The following ZNF846 variants were observed in gnomAD, a reference collection of about 807,000 sequenced individuals.
ZNF846 encodes zinc finger protein 420 pseudogene.
ZNF846 carries 15 observed loss-of-function variants against 16.0 expected under a neutral mutation model. The ratio of observed to expected loss-of-function variants is 0.94; its 90% confidence interval spans 0.63 to 1.45. The LOEUF (loss-of-function observed/expected upper bound fraction) is 1.45. ZNF846 is among the 40% of genes most tolerant of loss of function. The probability of loss-of-function intolerance (pLI) is 0.00; values close to 1 mark genes in which losing one functional copy is unlikely to be tolerated. For synonymous variants in ZNF846, 229 were observed against 212.0 expected (o/e 1.08, Z -0.70); for missense variants, 714 against 622.3 (o/e 1.15, Z -1.57).
exon 6 of ZNF846, chr19:9,758,619 T>A: frequency 6.2e-7 from 1 of 1,613,182 alleles, no homozygotes; most frequent in Non-Finnish European, 8.5e-7. Context: ...AGGAAAGTTC[T>A]TTCTTAAGGC....
chr19:9,773,266 A>T (rs1301502419), upstream of ZNF846, among the ~76,000 whole-genome samples: 1 of 152,048 alleles, frequency 6.6e-6, no homozygotes, highest in Non-Finnish European at 1.5e-5. Context: ...GGCTCAAGGG[A>T]TCCTCCTTCC....
exon 6 of ZNF846, chr19:9,752,350 A>T: frequency 8.2e-6 from 2 of 244,558 alleles, no homozygotes; most frequent in Admixed American, 4.1e-5. Flanking sequence ...GCTCACGTCC[A>T]TAATCCCAGC....
upstream of ZNF846, among the ~76,000 whole-genome samples, chr19:9,770,152 G>C (rs2045377261): frequency 6.6e-6 from 1 of 151,776 alleles, no homozygotes; most frequent in African/African-American, 2.4e-5. Flanking sequence ...ATATATTTGT[G>C]CATCGATCAT....
At chr19:9,761,461 C>T (rs1205328931) in intron 4 of ZNF846, among the ~76,000 whole-genome samples, 1 of 151,948 alleles carries the variant, frequency 6.6e-6, no homozygotes, top group African/African-American at 2.4e-5. Flanking sequence ...ACCTGTAATG[C>T]CAGCACTTTG....
At chr19:9,767,370 G>A (rs551088540) in intron 1 of ZNF846, among the ~76,000 whole-genome samples, 1 of 151,822 alleles carries the variant, frequency 6.6e-6, no homozygotes, top group Non-Finnish European at 1.5e-5. Flanking sequence ...CCCAACCTCA[G>A]GTGAACCGCC....
At chr19:9,760,170 G>A (rs1352019770) in intron 4 of ZNF846, among the ~76,000 whole-genome samples, 2 of 151,090 alleles carry the variant, frequency 1.3e-5, no homozygotes, top group African/African-American at 4.9e-5. Context: ...GTGCATGCCT[G>A]TAATCCCAGC....
At chr19:9,753,922 C>T (rs2045108755), downstream of ZNF846, among the ~76,000 whole-genome samples, 1 of 151,582 alleles carries the variant, frequency 6.6e-6, no homozygotes, top group South Asian at 2.1e-4. Flanking sequence ...AGTACTTGTC[C>T]TGTTTCCTTC....
chr19:9,765,451 T>C (rs1464378692), intron 1 of ZNF846, among the ~76,000 whole-genome samples: 1 of 152,024 alleles, frequency 6.6e-6, no homozygotes, highest in African/African-American at 2.4e-5. Context: ...GGCGGGTGGA[T>C]CACGAGGTTA....
At chr19:9,757,677 A>C in exon 6 of ZNF846, 1 of 1,613,324 alleles carries the variant, frequency 6.2e-7, no homozygotes, top group Non-Finnish European at 8.5e-7. Flanking sequence ...TCGCATGTGC[A>C]TATTAAGATT....
intron 1 of ZNF846, chr19:9,774,588 A>G: frequency 2.0e-6 from 3 of 1,513,138 alleles, no homozygotes; most frequent in Middle Eastern, 1.9e-4. Flanking sequence ...GATGAAGCTA[A>G]TTTATTGACT....
chr19:9,754,098 A>AT (rs1475593681), downstream of ZNF846, among the ~76,000 whole-genome samples: 1 of 151,396 alleles, frequency 6.6e-6, no homozygotes, highest in Non-Finnish European at 1.5e-5. Flanking sequence ...TTCTTGATGA[A>AT]TTTTACCTTC....
intron 1 of ZNF846, chr19:9,775,078 T>A: frequency 1.2e-6 from 1 of 854,852 alleles, no homozygotes. Flanking sequence ...CATTCACTTG[T>A]GGCAGTTACT....
downstream of ZNF846, among the ~76,000 whole-genome samples, chr19:9,749,546 C>CTTTTT (rs60331343): frequency 4.0e-5 from 5 of 125,534 alleles, no homozygotes; most frequent in East Asian, 2.3e-4. Flanking sequence ...ATAAGTCTTT[C>CTTTTT]TTTTTTTTTT....
downstream of ZNF846, among the ~76,000 whole-genome samples, chr19:9,750,747 C>CCT (rs1285601763): frequency 6.6e-6 from 1 of 152,174 alleles, no homozygotes; most frequent in African/African-American, 2.4e-5. Flanking sequence ...GCTATCTCAA[C>CCT]CTCTGTCACA....
intron 1 of ZNF846, among the ~76,000 whole-genome samples, chr19:9,767,858 G>A (rs1049290370): frequency 2.6e-5 from 4 of 152,126 alleles, no homozygotes; most frequent in South Asian, 2.1e-4. Context: ...CGCTTGGACC[G>A]GGAGACAGAG....
At chr19:9,752,079 C>A (rs191926392), downstream of ZNF846, 1 of 152,396 alleles carries the variant, frequency 6.6e-6, no homozygotes, top group East Asian at 1.9e-4. Flanking sequence ...GGATTACATG[C>A]ATGAGTCACC....
At chr19:9,756,343 GTGTATATATATA>G (rs1436588469), downstream of ZNF846, 784 of 71,156 alleles carry the variant, frequency 0.011, 15 homozygotes, top group African/African-American at 0.05. Flanking sequence ...GTGTGTGTGT[GTGTATATATATA>G]TATATATATA....
downstream of ZNF846, chr19:9,756,917 T>G (rs1347803103): frequency 6.6e-6 from 1 of 151,682 alleles, no homozygotes; most frequent in African/African-American, 2.4e-5. Context: ...AACAATATGC[T>G]GGGTGTGGTG....
intron 1 of ZNF846, among the ~76,000 whole-genome samples, chr19:9,776,130 T>C (rs1170153179): frequency 4.0e-5 from 6 of 151,732 alleles, no homozygotes; most frequent in Admixed American, 3.9e-4. Flanking sequence ...AGGTGGACCA[T>C]GGTCTAGCGG....
Sources: allele counts gnomAD v4.1 joint callset (sites outside exome capture counted in the v4.1 genomes callset), GRCh38; gene constraint gnomAD v4.1.1; transcripts MANE v1.5; gene names NCBI Gene and HGNC (gene_info 2026-07-23, HGNC 2026-07-21).